C8orf34: variants seen among roughly 807,000 people sequenced by gnomAD.
The protein encoded by C8orf34 is uncharacterized protein C8orf34.
C8orf34 carries 65 observed loss-of-function variants against 68.3 expected under a neutral mutation model. The ratio of observed to expected loss-of-function variants is 0.95; its 90% CI spans 0.78 to 1.17. The LOEUF is 1.17. C8orf34 is among the 50% of genes most tolerant of loss of function. The pLI is 0.00. For synonymous variants in C8orf34, 244 were observed against 241.2 expected, an observed-to-expected ratio of 1.01 and a Z score of -0.11; for missense variants, 664 against 655.4, an observed-to-expected ratio of 1.01 and a Z score of -0.14.
intron 1 of C8orf34, among the ~76,000 whole-genome samples, chr8:68,433,715 A>G (rs1810543015): frequency 6.6e-6 from 1 of 152,182 alleles, no homozygotes; most frequent in African/African-American, 2.4e-5. Context: ...TGTGCGCCCA[A>G]GTGCTCTTTT....
chr8:68,471,939 C>CACAT (rs1223791306), intron 4 of C8orf34, among the ~76,000 whole-genome samples: 3 of 151,498 alleles, frequency 2.0e-5, no homozygotes, highest in African/African-American at 7.3e-5. Flanking sequence ...CACACACACA[C>CACAT]ACACACACAC....
At chr8:68,386,515 G>A (rs554919645) in intron 1 of C8orf34, among the ~76,000 whole-genome samples, 3 of 152,244 alleles carry the variant, frequency 2.0e-5, no homozygotes, top group South Asian at 2.1e-4. Flanking sequence ...TGGAAACAAC[G>A]TAATACCATC....
At chr8:68,523,926 T>C (rs1563506198) in intron 6 of C8orf34, among the ~76,000 whole-genome samples, 3 of 152,186 alleles carry the variant, frequency 2.0e-5, no homozygotes, top group Admixed American at 1.3e-4. Context: ...TCCATCCATT[T>C]TTCACCTCAC....
At chr8:68,390,360 T>C (rs1050315851) in intron 1 of C8orf34, among the ~76,000 whole-genome samples, 4 of 152,142 alleles carry the variant, frequency 2.6e-5, no homozygotes, top group African/African-American at 7.2e-5. Context: ...TCACGAAATC[T>C]TTTGAACAAA....
intron 10 of C8orf34, among the ~76,000 whole-genome samples, chr8:68,727,640 C>T (rs760140578): frequency 2.2e-4 from 34 of 152,234 alleles, no homozygotes; most frequent in African/African-American, 7.7e-4. Context: ...ATATATCTTC[C>T]GAAATCTAGG....
intron 8 of C8orf34, among the ~76,000 whole-genome samples, chr8:68,680,275 A>G (rs1436197887): frequency 1.3e-5 from 2 of 152,244 alleles, no homozygotes; most frequent in Non-Finnish European, 2.9e-5. Flanking sequence ...TATTTCTCAA[A>G]AGAAGACATA....
intron 1 of C8orf34, among the ~76,000 whole-genome samples, chr8:68,437,259 C>T (rs370710719): frequency 6.6e-6 from 1 of 152,076 alleles, no homozygotes; most frequent in African/African-American, 2.4e-5. Flanking sequence ...AGGAATACTT[C>T]AGTTTATTAA....
intron 7 of C8orf34, among the ~76,000 whole-genome samples, chr8:68,594,973 G>A (rs1398866576): frequency 2.0e-5 from 3 of 151,454 alleles, no homozygotes; most frequent in Admixed American, 6.6e-5. Context: ...ACTTTTTTAA[G>A]ATCAGTGCAT....
At chr8:68,603,712 GA>G (rs1334961795) in intron 7 of C8orf34, among the ~76,000 whole-genome samples, 2 of 151,880 alleles carry the variant, frequency 1.3e-5, no homozygotes, top group African/African-American at 2.4e-5. Context: ...ATCTGTGGAC[GA>G]AAAAAACCAC....
chr8:68,331,491 C>T (rs1002771694), intron 1 of C8orf34, 152 bp downstream of exon 1: 3 of 855,350 alleles, frequency 3.5e-6, no homozygotes, highest in Non-Finnish European at 5.6e-6. Context: ...CTGGCATTCG[C>T]TCTGTCCCGG....
chr8:68,461,955 G>A (rs1431307820), intron 3 of C8orf34, among the ~76,000 whole-genome samples: 1 of 152,170 alleles, frequency 6.6e-6, no homozygotes, highest in Admixed American at 6.5e-5. Flanking sequence ...ACCTTTAAAT[G>A]TAAGTGGACT....
At chr8:68,406,267 G>C (rs1010847312) in intron 1 of C8orf34, among the ~76,000 whole-genome samples, 7 of 152,058 alleles carry the variant, frequency 4.6e-5, no homozygotes, top group Non-Finnish European at 8.8e-5. Flanking sequence ...ATGAAGGAAG[G>C]GTTTGGAATT....
At chr8:68,613,908 A>C (rs988865553) in intron 7 of C8orf34, among the ~76,000 whole-genome samples, 1 of 152,070 alleles carries the variant, frequency 6.6e-6, no homozygotes, top group Non-Finnish European at 1.5e-5. Context: ...TCCCACCAAC[A>C]GTGTAGAAGT....
rs115587509 is a variant in C8orf34 at position 68,671,227 on chromosome 8, T to C, written c.1241+30716T>C. On this transcript the variant is annotated intron_variant, in intron 8 of 13. Transcript: ENST00000518698. ...CTCAATTTGACCTTTTGAATCCACA[T>C]ATTTTTATTAATAATTGCTTTACAA... Among the ~76,000 whole-genome samples, 452 of 152,332 alleles carry C rather than the reference T, an allele frequency of 3.0e-3. 1 individual carries two copies. The highest frequency in any genetic ancestry group is 0.01 in the African/African-American group (420 of 41,578).
At chr8:68,390,726 G>A (rs1808446530) in intron 1 of C8orf34, among the ~76,000 whole-genome samples, 1 of 152,136 alleles carries the variant, frequency 6.6e-6, no homozygotes, top group African/African-American at 2.4e-5. Flanking sequence ...GGAGATGAAG[G>A]TTACCTTTGA....
intron 7 of C8orf34, among the ~76,000 whole-genome samples, chr8:68,599,243 A>G (rs1817629261): frequency 6.6e-6 from 1 of 152,110 alleles, no homozygotes; most frequent in Non-Finnish European, 1.5e-5. Context: ...GGACTTAAAT[A>G]ATATATATCA....
chr8:68,609,311 G>C (rs558290412), intron 7 of C8orf34, among the ~76,000 whole-genome samples: 1 of 152,290 alleles, frequency 6.6e-6, no homozygotes, highest in South Asian at 2.1e-4. Context: ...ATGGGGCTAA[G>C]CTCCCTGGAG....
At chr8:68,798,116 T>A (rs2129529442) in intron 12 of C8orf34, among the ~76,000 whole-genome samples, 1 of 151,222 alleles carries the variant, frequency 6.6e-6, no homozygotes, top group Middle Eastern at 3.4e-3. Context: ...TGATAATTTT[T>A]CCTTTTTAAA....
intron 1 of C8orf34, among the ~76,000 whole-genome samples, chr8:68,340,949 T>G (rs2129618007): frequency 6.6e-6 from 1 of 152,222 alleles, no homozygotes; most frequent in South Asian, 2.1e-4. Flanking sequence ...ACAAACAAAC[T>G]TATGCACTAT....
Sources: allele counts gnomAD v4.1 joint callset (sites outside exome capture counted in the v4.1 genomes callset), GRCh38; gene constraint gnomAD v4.1.1; transcripts MANE v1.5; gene names NCBI Gene and HGNC (gene_info 2026-07-23, HGNC 2026-07-21).